The following COBL variants were observed in gnomAD, a reference collection of about 807,000 sequenced individuals.
COBL encodes the protein protein cordon-bleu.
COBL carries 51 observed loss-of-function variants against 98.8 expected under a neutral mutation model. The ratio of observed to expected loss-of-function variants is 0.52; its 90% CI spans 0.41 to 0.65. The LOEUF is 0.65. COBL is among the 30% of genes least tolerant of loss of function. The pLI is 0.00. For missense variants in COBL, 1,617 were observed against 1,617.5 expected (o/e 1.00, Z 0.01); for synonymous variants, 634 against 651.7 (o/e 0.97, Z 0.41).
intron 2 of COBL, among the ~76,000 whole-genome samples, chr7:51,211,978 T>C (rs1792484268): frequency 6.6e-6 from 1 of 152,186 alleles, no homozygotes; most frequent in South Asian, 2.1e-4. Context: ...AATGATTACC[T>C]TAAAATCAAG....
chr7:51,094,249 AGAC>A (rs2128953988), intron 6 of COBL, among the ~76,000 whole-genome samples: 1 of 152,118 alleles, frequency 6.6e-6, no homozygotes, highest in South Asian at 2.1e-4. Flanking sequence ...GGAAAAGAGG[AGAC>A]ATTGGTTAAA....
rs1280303800 is a variant in COBL, at chr7:51,045,558, C to CGTAA, written c.1097-1867_1097-1866insTTAC. On this transcript the variant is annotated intron_variant, in intron 7 of 12. Transcript: ENST00000265136. ...CAAATGCTGGTTTAGCCTGGCTTAC[C>CGTAA]CTCTTCCCTCTCCAGGGATTATCGC... Among the ~76,000 whole-genome samples, 7 of 152,268 alleles carry CGTAA rather than the reference C, an allele frequency of 4.6e-5. No individual in the cohort carries two copies. The East Asian group carries it at 1.4e-3, about 29-fold the overall frequency.
At chr7:51,111,642 T>A (rs1583832386) in intron 6 of COBL, among the ~76,000 whole-genome samples, 1 of 152,042 alleles carries the variant, frequency 6.6e-6, no homozygotes, top group Non-Finnish European at 1.5e-5. Flanking sequence ...ATACTACATG[T>A]CACAGAAAAG....
chr7:51,081,382 C>T (rs1005383223), intron 7 of COBL, among the ~76,000 whole-genome samples: 3 of 152,196 alleles, frequency 2.0e-5, no homozygotes, highest in African/African-American at 7.2e-5. Flanking sequence ...AATGGAGCCA[C>T]AAGGCAAGAC....
At chr7:51,260,057 C>G in intron 1 of COBL, 1 of 1,007,936 alleles carries the variant, frequency 9.9e-7, no homozygotes, top group Non-Finnish European at 1.5e-6. Flanking sequence ...GCTCCTTCTT[C>G]TCCAAAAGTG....
At chr7:51,164,477 T>C (rs1787104210) in intron 5 of COBL, among the ~76,000 whole-genome samples, 1 of 152,092 alleles carries the variant, frequency 6.6e-6, no homozygotes, top group Non-Finnish European at 1.5e-5. Flanking sequence ...TATTTAAAGT[T>C]CTGAATGAAA....
chr7:51,313,932 AG>A (rs1803298466), intron 1 of COBL, among the ~76,000 whole-genome samples: 1 of 152,228 alleles, frequency 6.6e-6, no homozygotes, highest in South Asian at 2.1e-4. Context: ...CTGACTTGTT[AG>A]TTTTTGCACA....
chr7:51,212,815 T>C (rs1792586343), intron 2 of COBL, among the ~76,000 whole-genome samples: 1 of 152,218 alleles, frequency 6.6e-6, no homozygotes, highest in South Asian at 2.1e-4. Context: ...CTCCCCAGCA[T>C]TTCTACTCAG....
chr7:51,281,225 G>A (rs1244501652), intron 1 of COBL, among the ~76,000 whole-genome samples: 1 of 152,138 alleles, frequency 6.6e-6, no homozygotes, highest in African/African-American at 2.4e-5. Flanking sequence ...TTGCATACAG[G>A]TCAACAGAAA....
At chr7:51,019,084 AAC>A in intron 12 of COBL, among the ~76,000 whole-genome samples, 1 of 151,234 alleles carries the variant, frequency 6.6e-6, no homozygotes, top group Admixed American at 6.6e-5. Flanking sequence ...TACTTGTACA[AAC>A]ACAGTGCTCC....
chr7:51,191,189 C>T, intron 3 of COBL, 111 bp from the exon 4 acceptor site: 1 of 864,678 alleles, frequency 1.2e-6, no homozygotes, highest in East Asian at 2.6e-5. Context: ...AGCCTGAATC[C>T]TTCTTCCACA....
chr7:51,293,675 T>C (rs912194873), intron 1 of COBL, among the ~76,000 whole-genome samples: 4 of 152,166 alleles, frequency 2.6e-5, no homozygotes, highest in African/African-American at 9.7e-5. Context: ...TATAGTTTAT[T>C]GTACATAAAT....
intron 2 of COBL, among the ~76,000 whole-genome samples, chr7:51,215,628 AC>A (rs1488729523): frequency 6.6e-6 from 1 of 152,176 alleles, no homozygotes; most frequent in African/African-American, 2.4e-5. Context: ...CTGACTTTTA[AC>A]CTTGTGACTT....
At chr7:51,123,367 T>A (rs1307822315) in intron 6 of COBL, among the ~76,000 whole-genome samples, 1 of 152,222 alleles carries the variant, frequency 6.6e-6, no homozygotes, top group Non-Finnish European at 1.5e-5. Flanking sequence ...ATTTACTAAG[T>A]AGTTCCATCA....
intron 1 of COBL, among the ~76,000 whole-genome samples, chr7:51,246,741 A>G (rs1796300176): frequency 6.6e-6 from 1 of 152,260 alleles, no homozygotes. Flanking sequence ...AGATTCTATC[A>G]GTTACACAGA....
chr7:51,310,354 C>CA (rs1261031305), intron 1 of COBL, among the ~76,000 whole-genome samples: 1 of 152,182 alleles, frequency 6.6e-6, no homozygotes, highest in Non-Finnish European at 1.5e-5. Flanking sequence ...CACCAGGGTC[C>CA]AAAGCTTCTT....
chr7:51,109,638 C>A (rs756031833), intron 6 of COBL, among the ~76,000 whole-genome samples: 3 of 152,084 alleles, frequency 2.0e-5, no homozygotes, highest in Non-Finnish European at 2.9e-5. Context: ...CACTGTGCTA[C>A]CAGGCTCGAT....
At chr7:51,099,330 C>T (rs886388983) in intron 6 of COBL, among the ~76,000 whole-genome samples, 1 of 152,144 alleles carries the variant, frequency 6.6e-6, no homozygotes, top group Non-Finnish European at 1.5e-5. Context: ...CAGCACAGTT[C>T]ACAATAACCA....
At chr7:51,129,427 G>A (rs771410204) in intron 6 of COBL, among the ~76,000 whole-genome samples, 1 of 151,946 alleles carries the variant, frequency 6.6e-6, no homozygotes, top group Non-Finnish European at 1.5e-5. Context: ...TTGGAGTTAG[G>A]ATTCTGACAT....
Sources: gnomAD v4.1 joint callset for allele counts (sites outside exome capture counted in the v4.1 genomes callset) on GRCh38, gnomAD v4.1.1 for gene constraint, MANE v1.5 for transcripts, NCBI Gene and HGNC (gene_info 2026-07-23, HGNC 2026-07-21) for gene names.